The following DMD variants were observed in gnomAD, a reference collection of about 807,000 sequenced individuals.
DMD encodes the protein mutant dystrophin.
A neutral mutation model predicts 330.1 loss-of-function variants in DMD; 63 were observed. The observed-to-expected ratio is 0.19, with a 90% CI of 0.16 to 0.24. The LOEUF is 0.24. DMD is among the 10% of genes least tolerant of loss of function. The probability of loss-of-function intolerance (pLI) is 1.00; values close to 1 mark genes in which losing one functional copy is unlikely to be tolerated. For missense variants in DMD, 3,344 were observed against 2,684.1 expected, an observed-to-expected ratio of 1.25 and a Z score of -5.43; for synonymous variants, 1,223 against 959.8, an observed-to-expected ratio of 1.27 and a Z score of -5.07.
At chrX:33,050,108 C>A (rs1162930402) in intron 1 of DMD, among the ~76,000 whole-genome samples, 1 of 110,992 alleles carries the variant, frequency 9.0e-6, no homozygotes, top group East Asian at 2.8e-4. Context: ...CCAAAAAAAA[C>A]TGTAGAAAAG....
intron 29 of DMD, among the ~76,000 whole-genome samples, chrX:32,433,982 T>C (rs376229668): frequency 8.9e-6 from 1 of 111,859 alleles, no homozygotes; most frequent in African/African-American, 3.2e-5. Context: ...TATAGTGCTA[T>C]ATGATTATCA....
intron 44 of DMD, among the ~76,000 whole-genome samples, chrX:32,074,001 C>G (rs2096322743): frequency 9.0e-6 from 1 of 110,947 alleles, no homozygotes; most frequent in Non-Finnish European, 1.9e-5. Context: ...AGATAAATTC[C>G]TATGTAGTAG....
At chrX:31,372,973 A>G (rs1407616981) in intron 60 of DMD, among the ~76,000 whole-genome samples, 2 of 111,901 alleles carry the variant, frequency 1.8e-5, no homozygotes, top group African/African-American at 6.5e-5. Context: ...ACTTCAGCAA[A>G]GTCTCAGGAT....
chrX:32,638,392 G>C (rs2059234740), intron 11 of DMD, among the ~76,000 whole-genome samples: 1 of 112,016 alleles, frequency 8.9e-6, no homozygotes, highest in Non-Finnish European at 1.9e-5. Context: ...AAGAAGTTGA[G>C]ATTTCTACTC....
chrX:32,490,030 G>A (rs772576534), intron 20 of DMD, among the ~76,000 whole-genome samples: 1 of 112,098 alleles, frequency 8.9e-6, no homozygotes, highest in African/African-American at 3.2e-5. Flanking sequence ...TCCGATATTT[G>A]AAGAACCATT....
At chrX:31,588,872 GTT>G (rs58845554) in intron 55 of DMD, among the ~76,000 whole-genome samples, 5,601 of 77,454 alleles carry the variant, frequency 0.072, 230 homozygotes, top group Admixed American at 0.19. Context: ...CAAAGTCTAT[GTT>G]TTTTTTTTTT....
intron 11 of DMD, among the ~76,000 whole-genome samples, chrX:32,643,869 A>C (rs1258120720): frequency 8.9e-6 from 1 of 112,127 alleles, no homozygotes; most frequent in Non-Finnish European, 1.9e-5. Context: ...AACCTAGAAA[A>C]TAATAACTAT....
chrX:31,893,534 G>C (rs7066448), intron 47 of DMD, among the ~76,000 whole-genome samples: 37,126 of 106,217 alleles, frequency 0.35, 5,521 homozygotes, highest in African/African-American at 0.52. Flanking sequence ...AAAAAAGGAA[G>C]AGCTGTACTT....
At chrX:32,772,248 C>G (rs1205405843) in intron 7 of DMD, among the ~76,000 whole-genome samples, 1 of 112,812 alleles carries the variant, frequency 8.9e-6, no homozygotes, top group South Asian at 3.6e-4. Flanking sequence ...ACTATATGCA[C>G]TTACATCCCA....
intron 2 of DMD, among the ~76,000 whole-genome samples, chrX:32,894,979 G>A (rs1166065602): frequency 3.6e-5 from 4 of 111,984 alleles, no homozygotes; most frequent in African/African-American, 1.3e-4. Context: ...TTAAGTCCGA[G>A]GTCAGTGTTC....
rs1343123698 is a variant in DMD at position 33,302,050 on chromosome X, T to C, written c.7+37209A>G. Among the ~76,000 whole-genome samples the C allele has an allele frequency of 5.4e-5, 6 of 111,932 alleles. No individual in the cohort carries two copies. In the East Asian group the frequency reaches 1.7e-3, roughly 31 times the overall value. On this transcript the variant is annotated intron_variant, in intron 1 of 17. Coordinates refer to the DMD transcript ENST00000288447. The stretch of plus-strand genomic sequence containing the variant: ...TAAACATATTGGCTATATATTTTTA[T>C]AATGTGATCAATTTTTATTCATCTT...
rs371892520 is a variant in DMD, at chrX:33,226,282, C to T, written c.7+112977G>A. 3.0e-4 allele frequency among the ~76,000 whole-genome samples: 33 copies of T among 111,460 alleles called. No individual in the cohort carries two copies. In the East Asian group the frequency reaches 8.0e-3, roughly 27 times the overall value. On this transcript the variant is annotated intron_variant, in intron 1 of 17. Transcript: ENST00000288447. ...AACTGTACATGAGTCTTCATAGCAG[C>T]TGTATTTGTAATAGGCAGAAACTGG...
At chrX:31,926,569 G>A (rs1041290557) in intron 47 of DMD, among the ~76,000 whole-genome samples, 2 of 110,286 alleles carry the variant, frequency 1.8e-5, no homozygotes, top group African/African-American at 3.3e-5. Context: ...CCAGCTACTC[G>A]AGAGGCTGAG....
At chrX:32,481,152 C>T (rs967022555) in intron 21 of DMD, among the ~76,000 whole-genome samples, 11 of 110,146 alleles carry the variant, frequency 1.0e-4, no homozygotes, top group Non-Finnish European at 1.5e-4. Flanking sequence ...GCTGGCTACC[C>T]TTAAAATTTT....
chrX:31,222,392 C>CAAAAAAAAAAAAAAA (rs57227723), intron 64 of DMD, among the ~76,000 whole-genome samples: 4 of 20,623 alleles, frequency 1.9e-4, no homozygotes, highest in Non-Finnish European at 3.5e-4. Flanking sequence ...GACTCCATCT[C>CAAAAAAAAAAAAAAA]AAAAAAAAAA....
chrX:32,686,232 C>T (rs1603007978), intron 9 of DMD, among the ~76,000 whole-genome samples: 1 of 111,492 alleles, frequency 9.0e-6, no homozygotes, highest in African/African-American at 3.3e-5. Flanking sequence ...TAAAATTAGG[C>T]ATGGGTATCC....
intron 77 of DMD, among the ~76,000 whole-genome samples, chrX:31,130,873 T>C (rs1462519775): frequency 8.9e-6 from 1 of 112,211 alleles, no homozygotes; most frequent in Admixed American, 9.5e-5. Flanking sequence ...TACCTATCTA[T>C]ATACTTTATG....
intron 17 of DMD, among the ~76,000 whole-genome samples, chrX:32,543,112 G>A (rs767856286): frequency 8.1e-5 from 9 of 111,654 alleles, no homozygotes; most frequent in South Asian, 7.4e-4. Context: ...AAAAATACAT[G>A]CGATGCCAAT....
At chrX:31,719,189 T>A (rs997771918) in intron 52 of DMD, among the ~76,000 whole-genome samples, 1 of 112,083 alleles carries the variant, frequency 8.9e-6, no homozygotes, top group African/African-American at 3.2e-5. Flanking sequence ...GTTTATTACC[T>A]TCAACTAACA....
Sources: gnomAD v4.1 joint callset for allele counts (sites outside exome capture counted in the v4.1 genomes callset) on GRCh38, gnomAD v4.1.1 for gene constraint, MANE v1.5 for transcripts, NCBI Gene and HGNC (gene_info 2026-07-23, HGNC 2026-07-21) for gene names.